Variants in PTPRD observed in about 807,000 individuals in gnomAD.
PTPRD encodes receptor-type tyrosine-protein phosphatase delta.
PTPRD carries 34 observed loss-of-function variants against 214.5 expected under a neutral mutation model. The ratio of observed to expected loss-of-function variants is 0.16; its 90% CI spans 0.12 to 0.21. The LOEUF (loss-of-function observed/expected upper bound fraction) is 0.21, where lower values mean the gene tolerates loss of function less well. PTPRD is among the 10% of genes least tolerant of loss of function. The pLI, the probability that PTPRD is intolerant of heterozygous loss-of-function variation, is 1.00. For missense variants in PTPRD, 2,545 were observed against 2,398.7 expected (o/e 1.06, Z -1.27); for synonymous variants, 1,128 against 845.7 (o/e 1.33, Z -5.79).
intron 8 of PTPRD, among the ~76,000 whole-genome samples, chr9:9,557,852 A>T (rs2081921303): frequency 6.6e-6 from 1 of 152,182 alleles, no homozygotes; most frequent in Admixed American, 6.5e-5. Flanking sequence ...GGCAGAAAGA[A>T]CACTCAGGGG....
intron 11 of PTPRD, among the ~76,000 whole-genome samples, chr9:8,815,889 G>A (rs548317277): frequency 6.6e-6 from 1 of 152,304 alleles, no homozygotes; most frequent in East Asian, 1.9e-4. Context: ...GAATGTACAA[G>A]TGAAATAACC....
At chr9:9,112,722 GA>G (rs1007160916) in intron 10 of PTPRD, among the ~76,000 whole-genome samples, 2 of 152,074 alleles carry the variant, frequency 1.3e-5, no homozygotes, top group African/African-American at 4.8e-5. Flanking sequence ...AAATCACATA[GA>G]ATTTTAGTCT....
At chr9:9,376,817 C>T (rs1332413261) in intron 9 of PTPRD, among the ~76,000 whole-genome samples, 5 of 152,042 alleles carry the variant, frequency 3.3e-5, no homozygotes, top group Non-Finnish European at 7.4e-5. Context: ...CAATGAAACA[C>T]CAAGTTATAC....
chr9:9,221,341 C>T (rs886808718), intron 9 of PTPRD, among the ~76,000 whole-genome samples: 1 of 152,100 alleles, frequency 6.6e-6, no homozygotes, highest in Non-Finnish European at 1.5e-5. Flanking sequence ...ATTTGGTTAA[C>T]TTTACTTCCT....
chr9:9,613,122 G>GTATATATA (rs1331223781), intron 7 of PTPRD, among the ~76,000 whole-genome samples: 7 of 68,132 alleles, frequency 1.0e-4, no homozygotes, highest in African/African-American at 6.0e-4. Context: ...CTAGGCTGCA[G>GTATATATA]TATACATACA....
chr9:8,461,547 C>T (rs2096403036), intron 32 of PTPRD, among the ~76,000 whole-genome samples: 1 of 151,934 alleles, frequency 6.6e-6, no homozygotes, highest in African/African-American at 2.4e-5. Flanking sequence ...TATCCACTAA[C>T]TGCCCTGCTT....
intron 4 of PTPRD, among the ~76,000 whole-genome samples, chr9:10,016,851 G>T (rs955896545): frequency 7.9e-5 from 12 of 152,160 alleles, no homozygotes; most frequent in African/African-American, 2.9e-4. Flanking sequence ...TTTTTGTAGA[G>T]ACAGGGTCTC....
chr9:8,625,336 A>G (rs1367198610), intron 14 of PTPRD, among the ~76,000 whole-genome samples: 2 of 151,826 alleles, frequency 1.3e-5, no homozygotes, highest in African/African-American at 4.8e-5. Context: ...TTTCTACTAT[A>G]CTTAATTTTC....
At chr9:9,543,497 A>G (rs1387673156) in intron 8 of PTPRD, among the ~76,000 whole-genome samples, 2 of 151,666 alleles carry the variant, frequency 1.3e-5, no homozygotes, top group Non-Finnish European at 3.0e-5. Flanking sequence ...ATCATAATAA[A>G]GATTAGGTAA....
intron 4 of PTPRD, among the ~76,000 whole-genome samples, chr9:9,970,410 C>CTCAAAAAAAAAAAAAAAAAA (rs1442788017): frequency 7.5e-6 from 1 of 133,480 alleles, no homozygotes; most frequent in Non-Finnish European, 1.5e-5. Context: ...AGAGCCTGGG[C>CTCAAAAAAAAAAAAAAAAAA]GACAGCGAGA....
intron 2 of PTPRD, among the ~76,000 whole-genome samples, chr9:10,573,784 G>T (rs193184769): frequency 2.4e-4 from 36 of 152,212 alleles, no homozygotes; most frequent in Non-Finnish European, 3.8e-4. Context: ...GAAGGAGTAG[G>T]AAAGAGAAGA....
chr9:8,809,348 G>A (rs1205699033), intron 11 of PTPRD, among the ~76,000 whole-genome samples: 1 of 152,116 alleles, frequency 6.6e-6, no homozygotes, highest in African/African-American at 2.4e-5. Flanking sequence ...AGCCAGGGTA[G>A]AAATTGGCAT....
chr9:9,043,904 AAAAATAAAATAAAATAAAATAAAAT>A (rs34743506), intron 10 of PTPRD, among the ~76,000 whole-genome samples: 12,128 of 137,396 alleles, frequency 0.088, 612 homozygotes, highest in Middle Eastern at 0.14. Context: ...ACCCTGTCTC[AAAAATAAAATAAAATAAAATAAAAT>A]AAAATAAAAT....
At position 10,209,530 on chromosome 9, in the gene PTPRD, G is replaced by A. The variant is rs75345979; in HGVS notation, c.-545+131433C>T. Among the ~76,000 whole-genome samples, 558 of 152,016 alleles carry A rather than the reference G, an allele frequency of 3.7e-3. 2 individuals carry two copies. Among genetic ancestry groups the A allele is most frequent in the African/African-American group, 0.013 (546 of 41,482 alleles). On this transcript the variant is annotated intron_variant, in intron 3 of 45. Coordinates refer to ENST00000381196, the MANE Select transcript of PTPRD (RefSeq NM_002839.4). Reference sequence around the variant, plus strand: ...CACTGCCCCTTGCTCCCATGTTCTCGCATAGAACTGGATTCCAGTAACATT... The same window carrying A: ...CACTGCCCCTTGCTCCCATGTTCTCACATAGAACTGGATTCCAGTAACATT...
intron 3 of PTPRD, among the ~76,000 whole-genome samples, chr9:10,204,577 T>C (rs2099457334): frequency 6.6e-6 from 1 of 152,126 alleles, no homozygotes; most frequent in Non-Finnish European, 1.5e-5. Flanking sequence ...ATATCATTTG[T>C]TCTGATTTAT....
At chr9:9,671,356 T>G (rs2096829051) in intron 7 of PTPRD, among the ~76,000 whole-genome samples, 1 of 152,182 alleles carries the variant, frequency 6.6e-6, no homozygotes, top group Non-Finnish European at 1.5e-5. Flanking sequence ...TAGCTTGCTT[T>G]GGATTTTACA....
rs543913843 is a variant in PTPRD at position 9,597,628 on chromosome 9, T to C, written c.-286-22847A>G. ...TGGGGGAAGTCAACAGTATCACATA[T>C]AGTAGAGAAAGAAGTCAAGAAATGG... On this transcript the variant is annotated intron_variant, in intron 7 of 45. Coordinates refer to ENST00000381196, the MANE Select transcript of PTPRD (RefSeq NM_002839.4). 1.1e-4 allele frequency among the ~76,000 whole-genome samples: 16 copies of C among 151,978 alleles called. No individual in the cohort carries two copies. The South Asian group carries it at 2.9e-3, about 28-fold the overall frequency.
chr9:10,377,329 C>G (rs1320180317), intron 2 of PTPRD, among the ~76,000 whole-genome samples: 1 of 151,748 alleles, frequency 6.6e-6, no homozygotes, highest in Admixed American at 6.6e-5. Context: ...CTAGGGTACA[C>G]GAGCACAATA....
intron 2 of PTPRD, among the ~76,000 whole-genome samples, chr9:10,546,307 C>CA (rs2060161411): frequency 6.6e-6 from 1 of 151,922 alleles, no homozygotes; most frequent in Non-Finnish European, 1.5e-5. Context: ...ATTATCTTAA[C>CA]ATTTTCCTCA....
Sources: gnomAD v4.1 joint callset for allele counts (sites outside exome capture counted in the v4.1 genomes callset) on GRCh38, gnomAD v4.1.1 for gene constraint, MANE v1.5 for transcripts, NCBI Gene and HGNC (gene_info 2026-07-23, HGNC 2026-07-21) for gene names.